The following RNF146 variants were observed in gnomAD, a reference collection of about 807,000 sequenced individuals.
The protein encoded by RNF146 is E3 ubiquitin-protein ligase RNF146.
RNF146 carries 11 observed loss-of-function variants against 29.7 expected under a neutral mutation model. That is an observed-to-expected ratio of 0.37 (90% CI 0.23 to 0.61). The LOEUF (loss-of-function observed/expected upper bound fraction) is 0.61. Ranked by LOEUF, RNF146 falls within the 20% of genes least tolerant of loss-of-function variation. RNF146 has a pLI of 0.66. For synonymous variants in RNF146, 150 were observed against 159.7 expected (o/e 0.94, Z 0.46); for missense variants, 342 against 438.9 (o/e 0.78, Z 1.97).
intron 1 of RNF146, 33 bp from the exon 2 acceptor site, chr6:127,280,198 C>G (rs1033783943): frequency 1.3e-6 from 1 of 779,046 alleles, no homozygotes; most frequent in Non-Finnish European, 2.1e-6. Context: ...AACTGATTCT[C>G]TTGATCTTAA....
At chr6:127,273,850 G>A (rs915296493) in intron 1 of RNF146, among the ~76,000 whole-genome samples, 6 of 152,080 alleles carry the variant, frequency 3.9e-5, no homozygotes, top group Admixed American at 6.6e-5. Context: ...AAAGATACTC[G>A]AATGTGAGTT....
chr6:127,273,504 G>A (rs565437819), intron 1 of RNF146, among the ~76,000 whole-genome samples: 4 of 150,320 alleles, frequency 2.7e-5, no homozygotes, highest in Non-Finnish European at 4.4e-5. Context: ...TCCTTTTTTT[G>A]ATGTTTCAAG....
intron 1 of RNF146, among the ~76,000 whole-genome samples, chr6:127,276,300 G>A (rs1189124539): frequency 6.6e-6 from 1 of 152,044 alleles, no homozygotes; most frequent in Admixed American, 6.6e-5. Flanking sequence ...ACTAGCAATG[G>A]GTAGAGAGTA....
chr6:127,271,285 G>C (rs1271852306), intron 1 of RNF146, among the ~76,000 whole-genome samples: 1 of 152,080 alleles, frequency 6.6e-6, no homozygotes, highest in Non-Finnish European at 1.5e-5. Context: ...AGTTTACATG[G>C]AATTTTGACT....
At chr6:127,282,776 C>T (rs964150400) in intron 2 of RNF146, among the ~76,000 whole-genome samples, 2 of 151,678 alleles carry the variant, frequency 1.3e-5, no homozygotes, top group Admixed American at 6.6e-5. Flanking sequence ...TATTTCCTGA[C>T]GTAAAACCTT....
Position 127,286,939 on chromosome 6 carries a change from A to C in RNF146, c.326A>C (p.Glu109Ala). 3.1e-6 allele frequency: 5 copies of C among 1,613,474 alleles called. No homozygotes were observed. Among genetic ancestry groups the C allele is most frequent in the Non-Finnish European group, 3.4e-6 (4 of 1,179,614 alleles). The change falls in exon 3 of 3, where the codon GAA (glutamate) becomes GCA (alanine). Residue 109 changes from glutamate to alanine, a missense_variant. Physicochemically the swap from Glu to Ala is moderately radical, Grantham distance 107 (BLOSUM62 -1). This residue lies in a region of RNF146 where 50 missense variants were observed against 54.9 expected (regional missense o/e 0.91). Coordinates refer to ENST00000368314, the MANE Select transcript of RNF146 (RefSeq NM_001242850.2). The surrounding 1 kb of genome is among the most constrained non-coding windows in gnomAD (Gnocchi z 4.6). ...RGNGEYAWYY[E>A]GRNGWWQYDE... ...AATGGTGAATATGCATGGTATTATGAAGGAAGAAATGGGTGGTGGCAGTAC... is the reference window on the plus strand; with the variant it reads ...AATGGTGAATATGCATGGTATTATGCAGGAAGAAATGGGTGGTGGCAGTAC...
At chr6:127,279,723 A>G (rs1046132269) in intron 1 of RNF146, among the ~76,000 whole-genome samples, 1 of 151,758 alleles carries the variant, frequency 6.6e-6, no homozygotes, top group Non-Finnish European at 1.5e-5. Flanking sequence ...TCCATACATC[A>G]CTTGTCTATT....
intron 1 of RNF146, among the ~76,000 whole-genome samples, chr6:127,276,636 G>A (rs534936490): frequency 4.6e-5 from 7 of 152,138 alleles, no homozygotes; most frequent in Admixed American, 6.6e-5. Flanking sequence ...TCAAGAGATG[G>A]TAGGTCCCCA....
At position 127,288,056 on chromosome 6, in the gene RNF146, A is replaced by AT; in HGVS notation, c.*364dup. 1 of 173,908 alleles carries AT rather than the reference A, an allele frequency of 5.8e-6. No individual in the cohort carries two copies. The highest frequency in any genetic ancestry group is 1.4e-5 in the Non-Finnish European group (1 of 72,914). 10.8% of individuals were successfully genotyped at this position (173,908 alleles called of 1,614,324 possible). A position where few individuals can be genotyped will look rare whatever the true frequency, so the allele number is the denominator to read the frequency against. ...GTCTTATTTTTCTGCATGGATTGGC[A>AT]TAAGACCATTACTAAAATTTGGCAC... On this transcript the variant is annotated 3_prime_UTR_variant, in exon 3 of 3. Coordinates refer to ENST00000368314, the MANE Select transcript of RNF146 (RefSeq NM_001242850.2).
chr6:127,271,169 A>G (rs1394598542), intron 1 of RNF146, among the ~76,000 whole-genome samples: 2 of 152,310 alleles, frequency 1.3e-5, no homozygotes, highest in East Asian at 1.9e-4. Context: ...CAAGAAAACA[A>G]TATATAATAC....
chr6:127,268,720 ACT>A (rs1358433311), intron 1 of RNF146, among the ~76,000 whole-genome samples: 1 of 151,924 alleles, frequency 6.6e-6, no homozygotes, highest in African/African-American at 2.4e-5. Flanking sequence ...TATCAGGAAA[ACT>A]CTCTCCAAAT....
intron 2 of RNF146, chr6:127,285,912 CT>C (rs1272714598): frequency 2.0e-6 from 1 of 503,192 alleles, no homozygotes; most frequent in Non-Finnish European, 3.0e-6. Context: ...CCCATCAGTA[CT>C]TAGTATTGTA....
intron 1 of RNF146, among the ~76,000 whole-genome samples, chr6:127,271,358 G>A (rs1777471028): frequency 6.6e-6 from 1 of 152,102 alleles, no homozygotes; most frequent in Admixed American, 6.6e-5. Context: ...TAAATTCTGA[G>A]AGTTAATAGG....
intron 2 of RNF146, among the ~76,000 whole-genome samples, chr6:127,283,331 A>G (rs1383635802): frequency 1.3e-5 from 2 of 151,826 alleles, no homozygotes; most frequent in African/African-American, 4.8e-5. Context: ...TAGTTTAGTA[A>G]ACTGGAAATA....
intron 1 of RNF146, among the ~76,000 whole-genome samples, chr6:127,276,740 T>G (rs576861056): frequency 1.3e-5 from 2 of 152,060 alleles, no homozygotes; most frequent in African/African-American, 2.4e-5. Context: ...GGCAGCAGTT[T>G]AGGTGACAAC....
At chr6:127,272,709 C>T (rs2114430223) in intron 1 of RNF146, among the ~76,000 whole-genome samples, 1 of 152,256 alleles carries the variant, frequency 6.6e-6, no homozygotes, top group South Asian at 2.1e-4. Context: ...AAAGAATGCT[C>T]AAAGACAATA....
intron 2 of RNF146, 193 bp downstream of exon 2, chr6:127,280,533 A>G (rs1778789730): frequency 1.6e-6 from 2 of 1,257,344 alleles, no homozygotes; most frequent in Admixed American, 3.8e-5. Context: ...AGTCTCCTCA[A>G]AAGGAAAAGT....
rs975604176 is a variant in RNF146, at chr6:127,271,044, G to C, written c.-109+4119G>C. On this transcript the variant is annotated intron_variant, in intron 1 of 2. Transcript: ENST00000368314. ...TTGGCCAGGATGGTATTGATCTCTT[G>C]ACCTCATGATCTTCCTGCCTCAGCT... 5.3e-5 allele frequency among the ~76,000 whole-genome samples: 8 copies of C among 152,150 alleles called. No individual in the cohort carries two copies. In the East Asian group the frequency reaches 1.6e-3, roughly 30 times the overall value.
At chr6:127,266,739 A>C (rs538365821), upstream of RNF146, 1 of 152,254 alleles carries the variant, frequency 6.6e-6, no homozygotes, top group South Asian at 2.1e-4. Context: ...CAGCGGCGCG[A>C]GACAGGGGCA....
Sources: allele counts gnomAD v4.1 joint callset (sites outside exome capture counted in the v4.1 genomes callset), GRCh38; gene constraint gnomAD v4.1.1; regional missense constraint gnomAD v4.1.1; non-coding constraint Gnocchi (gnomAD v3.1); transcripts MANE v1.5; gene names NCBI Gene and HGNC (gene_info 2026-07-23, HGNC 2026-07-21).